The following KCNMB2 variants were observed in gnomAD, a reference collection of about 807,000 sequenced individuals.
The protein encoded by KCNMB2 is potassium calcium-activated channel subfamily M regulatory beta subunit 2.
In KCNMB2, 9 loss-of-function variants were observed where a neutral mutation model predicts 24.5. The observed-to-expected ratio is 0.37, with a 90% CI of 0.22 to 0.64. The LOEUF (loss-of-function observed/expected upper bound fraction) is 0.64, where lower values mean the gene tolerates loss of function less well. KCNMB2 is among the 30% of genes least tolerant of loss of function. The pLI is 0.63. For missense variants in KCNMB2, 226 were observed against 284.3 expected, an observed-to-expected ratio of 0.79 and a Z score of 1.47; for synonymous variants, 109 against 104.4, an observed-to-expected ratio of 1.04 and a Z score of -0.27.
chr3:178,655,091 T>TCTCC (rs200613333), intron 1 of KCNMB2, among the ~76,000 whole-genome samples: 2 of 116,984 alleles, frequency 1.7e-5, no homozygotes, highest in Admixed American at 8.5e-5. Flanking sequence ...AAATATTAGC[T>TCTCC]CTCCCTCTCT....
chr3:178,617,294 C>T (rs147710418), intron 1 of KCNMB2, among the ~76,000 whole-genome samples: 1,757 of 152,090 alleles, frequency 0.012, 18 homozygotes, highest in South Asian at 0.037. Context: ...CGTGGTGGCT[C>T]ACGCCTGTAA....
At chr3:178,788,338 T>C (rs889410221) in intron 1 of KCNMB2, among the ~76,000 whole-genome samples, 37 of 152,174 alleles carry the variant, frequency 2.4e-4, no homozygotes, top group African/African-American at 8.9e-4. Flanking sequence ...TAAAGGTAAA[T>C]TATCAAACAG....
At position 178,646,050 on chromosome 3, in the gene KCNMB2, T is replaced by A. The variant is rs375939434; in HGVS notation, c.-68+109339T>A. ...ATCCATCTGCATACAGTTACCTGCA[T>A]CCATGGTTATCAAGAGAAACGTCTC... On this transcript the variant is annotated intron_variant, in intron 1 of 4. Transcript: ENST00000452583. Among the ~76,000 whole-genome samples the A allele has an allele frequency of 9.9e-5, 15 of 152,188 alleles. No homozygotes were observed. In the South Asian group the frequency reaches 3.1e-3, roughly 32 times the overall value.
intron 1 of KCNMB2, among the ~76,000 whole-genome samples, chr3:178,636,472 C>T (rs76873783): frequency 5.8e-4 from 89 of 152,244 alleles, no homozygotes; most frequent in Admixed American, 1.4e-3. Context: ...ATGTTTTTCA[C>T]GCATGTCATT....
At chr3:178,815,045 T>C (rs6793389) in intron 2 of KCNMB2, among the ~76,000 whole-genome samples, 3,915 of 152,252 alleles carry the variant, frequency 0.026, 157 homozygotes, top group African/African-American at 0.089. Context: ...TTTGTAATGT[T>C]TAAATTACAC....
chr3:178,636,547 T>C (rs981760787), intron 1 of KCNMB2, among the ~76,000 whole-genome samples: 14 of 152,186 alleles, frequency 9.2e-5, no homozygotes, highest in Non-Finnish European at 1.8e-4. Flanking sequence ...TCACTGTGCA[T>C]TGGGGACTTA....
At chr3:178,653,321 ATAGTT>A (rs1201843931) in intron 1 of KCNMB2, among the ~76,000 whole-genome samples, 1 of 152,134 alleles carries the variant, frequency 6.6e-6, no homozygotes, top group Admixed American at 6.6e-5. Flanking sequence ...ATTAGTTTTT[ATAGTT>A]TATTCATGAA....
chr3:178,669,171 G>A (rs1446396373), intron 1 of KCNMB2, among the ~76,000 whole-genome samples: 4 of 152,138 alleles, frequency 2.6e-5, no homozygotes, highest in African/African-American at 9.7e-5. Context: ...GGGCTCATAG[G>A]AAACACCTCT....
At chr3:178,781,258 TTTTTG>T (rs1196520115) in intron 1 of KCNMB2, among the ~76,000 whole-genome samples, 1 of 152,158 alleles carries the variant, frequency 6.6e-6, no homozygotes. Context: ...TAAGAAGATA[TTTTTG>T]TTTTGTTTTG....
chr3:178,683,848 C>G (rs1003214356), intron 1 of KCNMB2, among the ~76,000 whole-genome samples: 2 of 152,142 alleles, frequency 1.3e-5, no homozygotes, highest in African/African-American at 4.8e-5. Flanking sequence ...ATGCTTGTAT[C>G]TTGTTGGTAG....
chr3:178,633,262 T>C (rs1202303875), intron 1 of KCNMB2, among the ~76,000 whole-genome samples: 1 of 152,198 alleles, frequency 6.6e-6, no homozygotes, highest in African/African-American at 2.4e-5. Context: ...AGTGCCTCAA[T>C]GGGGACTCTG....
chr3:178,760,349 C>CATATATATCCATATCCAAGATATATATT lies in KCNMB2; in HGVS notation c.-67-46986_-67-46985insCCATATCCAAGATATATATTATATATAT, dbSNP rs1711781449. ...ATATAGATATATATCTCCTTCGTTACATATATATATCCATATCCAAGATAT... is the reference window on the plus strand; with the variant it reads ...ATATAGATATATATCTCCTTCGTTACATATATATCCATATCCAAGATATATATTATATATATATCCATATCCAAGATAT... On this transcript the variant is annotated intron_variant, in intron 1 of 4. Transcript: ENST00000452583. 2.4e-5 allele frequency among the ~76,000 whole-genome samples: 2 copies of CATATATATCCATATCCAAGATATATATT among 82,588 alleles called. 1 individual carries two copies. Among genetic ancestry groups the CATATATATCCATATCCAAGATATATATT allele is most frequent in the African/African-American group, 8.6e-5 (2 of 23,328 alleles). The allele number at this position is 82,588 out of a possible 152,430, so 54.2% of individuals were successfully genotyped here.
intron 1 of KCNMB2, among the ~76,000 whole-genome samples, chr3:178,788,801 T>C (rs559473946): frequency 4.6e-5 from 7 of 152,182 alleles, no homozygotes; most frequent in African/African-American, 1.4e-4. Flanking sequence ...CTAACAATCT[T>C]ATATTAAAGA....
At chr3:178,627,911 G>C (rs1021675962) in intron 1 of KCNMB2, among the ~76,000 whole-genome samples, 3 of 152,180 alleles carry the variant, frequency 2.0e-5, no homozygotes, top group African/African-American at 7.2e-5. Flanking sequence ...GAAAAAGTGA[G>C]ACTTGAACAC....
intron 1 of KCNMB2, among the ~76,000 whole-genome samples, chr3:178,590,183 TTC>T (rs1207652127): frequency 6.6e-6 from 1 of 152,186 alleles, no homozygotes; most frequent in African/African-American, 2.4e-5. Flanking sequence ...TCCTCCTTCC[TTC>T]TCTCTCTTAT....
At chr3:178,575,615 C>T (rs548121391) in intron 1 of KCNMB2, among the ~76,000 whole-genome samples, 1 of 152,056 alleles carries the variant, frequency 6.6e-6, no homozygotes. Context: ...AACCAAAGGA[C>T]TTTATATAGA....
chr3:178,636,372 A>C (rs1719521520), intron 1 of KCNMB2, among the ~76,000 whole-genome samples: 2 of 152,322 alleles, frequency 1.3e-5, no homozygotes, highest in South Asian at 4.2e-4. Context: ...GTAACTAAAT[A>C]CCACCTGTAC....
intron 2 of KCNMB2, among the ~76,000 whole-genome samples, chr3:178,821,391 CA>C (rs1231716485): frequency 6.6e-6 from 1 of 152,170 alleles, no homozygotes; most frequent in African/African-American, 2.4e-5. Flanking sequence ...AGGCTGTGAA[CA>C]CCCTCTTTCC....
intron 1 of KCNMB2, among the ~76,000 whole-genome samples, chr3:178,759,372 GAT>G (rs1222364329): frequency 0.016 from 276 of 17,768 alleles, 57 homozygotes; most frequent in African/African-American, 0.1. Context: ...TCTCCAAGAG[GAT>G]ATATATATAT....
Sources: gnomAD v4.1 joint callset for allele counts (sites outside exome capture counted in the v4.1 genomes callset) on GRCh38, gnomAD v4.1.1 for gene constraint, MANE v1.5 for transcripts, NCBI Gene and HGNC (gene_info 2026-07-23, HGNC 2026-07-21) for gene names.